Variants in PEX6 observed in about 807,000 individuals in gnomAD.
The protein encoded by PEX6 is peroxisomal biogenesis factor 6, also known as peroxisome biogenesis factor 6.
In PEX6, 55 loss-of-function variants were observed where a neutral mutation model predicts 85.6. The ratio of observed to expected loss-of-function variants is 0.64; its 90% CI spans 0.52 to 0.80. The LOEUF is 0.80. PEX6 is among the 30% of genes least tolerant of loss of function. The probability of loss-of-function intolerance (pLI) is 0.00; values close to 1 mark genes in which losing one functional copy is unlikely to be tolerated. For missense variants in PEX6, 1,099 were observed against 1,260.3 expected, an observed-to-expected ratio of 0.87 and a Z score of 1.94; for synonymous variants, 519 against 549.1, an observed-to-expected ratio of 0.95 and a Z score of 0.77.
intron 3 of PEX6, among the ~76,000 whole-genome samples, chr6:42,970,330 T>TC (rs1458513189): frequency 6.6e-6 from 1 of 152,100 alleles, no homozygotes; most frequent in Non-Finnish European, 1.5e-5. Flanking sequence ...GGCTTCGGTC[T>TC]CCCCCTCAAA....
chr6:42,971,578 C>T lies in PEX6; in HGVS notation c.1131-1591G>A, dbSNP rs1454406591. ...CCAGGGACAGGATGAAGAGGCTACA[C>T]CAACAGTGGAATTCCTTTCCAGGGC... On this transcript the variant is annotated intron_variant, in intron 3 of 16. Coordinates refer to ENST00000304611, the MANE Select transcript of PEX6 (RefSeq NM_000287.4). The surrounding 1 kb of genome is among the most constrained non-coding windows in gnomAD (Gnocchi z 4.4). Among the ~76,000 whole-genome samples the T allele has an allele frequency of 6.6e-6, 1 of 152,226 alleles. No individual in the cohort carries two copies. The highest frequency in any genetic ancestry group is 1.5e-5 in the Non-Finnish European group (1 of 68,038).
rs72500588 is a variant in PEX6 at position 42,968,076 on chromosome 6, A to G, written c.1688+214T>C. On this transcript the variant is annotated intron_variant, in intron 7 of 16. Coordinates refer to ENST00000304611, the MANE Select transcript of PEX6 (RefSeq NM_000287.4). ...ATTCTCCTGCCTCAGCCTCCCAAGT[A>G]GCCTGGATTACAGGCACCCGCCACC... Among the ~76,000 whole-genome samples, 41 of 151,672 alleles carry G rather than the reference A, an allele frequency of 2.7e-4. No individual in the cohort carries two copies. In the East Asian group the frequency reaches 7.2e-3, roughly 27 times the overall value.
At chr6:42,977,648 C>T (rs112244711) in intron 1 of PEX6, among the ~76,000 whole-genome samples, 3,591 of 149,926 alleles carry the variant, frequency 0.024, 122 homozygotes, top group African/African-American at 0.083. Flanking sequence ...GGCGTCGTGG[C>T]GCGAGCCAGT....
In PEX6 at chr6:42,970,035, C is replaced by T. The variant is rs377259696; in HGVS notation, c.1131-48G>A. ...ACCCCAGATCCAGAGTCCAAAAACC[C>T]CCCTCCTCAAGGACAAGGTTTCTCA... On this transcript the variant is annotated intron_variant, in intron 3 of 16. Transcript: ENST00000304611. 3.3e-4 allele frequency: 479 copies of T among 1,462,898 alleles called. 1 individual carries two copies. The highest frequency in any genetic ancestry group is 3.0e-3 in the African/African-American group (219 of 72,018). 90.6% of individuals were successfully genotyped at this position (1,462,898 alleles called of 1,614,324 possible).
At chr6:42,968,247 G>A (rs758380782) in intron 7 of PEX6, 43 bp downstream of exon 7, 11 of 1,564,858 alleles carry the variant, frequency 7.0e-6, no homozygotes, top group Non-Finnish European at 8.8e-6. Flanking sequence ...ACCGCGCCCA[G>A]CCGGCCCCCC....
chr6:42,972,129 A>C (rs777836570), intron 3 of PEX6, among the ~76,000 whole-genome samples: 18 of 152,136 alleles, frequency 1.2e-4, no homozygotes, highest in Non-Finnish European at 2.2e-4. Context: ...CCAAACAAGG[A>C]CTGTCTCTCC....
rs886061410 is a variant in PEX6 at position 42,964,167 on chromosome 6, G to A, written c.*168C>T. 2.9e-6 allele frequency: 2 copies of A among 689,888 alleles called. No individual in the cohort carries two copies. The highest frequency in any genetic ancestry group is 5.0e-6 in the Non-Finnish European group (2 of 400,502). 42.7% of individuals were successfully genotyped at this position (689,888 alleles called of 1,614,324 possible). On this transcript the variant is annotated 3_prime_UTR_variant, in exon 17 of 17. Transcript: ENST00000304611. This position sits in a 1 kb window ranked among gnomAD's most constrained non-coding sequence, Gnocchi z 4.6. The stretch of plus-strand genomic sequence containing the variant: ...GTAGGCAGGAGATATCTCTTGAGCT[G>A]TTGCTGCTGTCTCAATGCCACTTTG...
intron 2 of PEX6, 130 bp downstream of exon 2, chr6:42,974,745 G>A (rs1226232755): frequency 1.2e-6 from 1 of 851,966 alleles, no homozygotes; most frequent in Non-Finnish European, 2.0e-6. Flanking sequence ...ACAGACGTGA[G>A]CCACAGCACC....
chr6:42,968,179 A>G (rs1298191245), intron 7 of PEX6, 111 bp downstream of exon 7: 19 of 873,750 alleles, frequency 2.2e-5, no homozygotes, highest in Admixed American at 5.4e-5. Context: ...ACTCCTGATC[A>G]AGGCAGGTGA....
chr6:42,967,720 C>A (rs1417171874), intron 7 of PEX6, among the ~76,000 whole-genome samples, 157 bp from the exon 8 acceptor site: 1 of 152,096 alleles, frequency 6.6e-6, no homozygotes, highest in East Asian at 1.9e-4. Context: ...GATGGGGGAA[C>A]TGTGTTTCCC....
chr6:42,968,559 T>C, intron 6 of PEX6, 61 bp from the exon 7 acceptor site: 2 of 1,418,064 alleles, frequency 1.4e-6, no homozygotes, highest in Non-Finnish European at 1.9e-6. Context: ...GGCAGGAGAA[T>C]CAGGGGAGGA....
At position 42,965,494 on chromosome 6, in the gene PEX6, AC is replaced by A; in HGVS notation, c.2472-127del. 1.1e-6 allele frequency: 1 copy of A among 911,458 alleles called. No homozygotes were observed. The highest frequency in any genetic ancestry group is 1.8e-6 in the Non-Finnish European group (1 of 544,678). 56.5% of individuals were successfully genotyped at this position (911,458 alleles called of 1,614,324 possible). Reference sequence around the variant, plus strand: ...CACTCAGCTGTGCCCAATGTGCCCCACCAGGTAGGCCCCCATTCTCCTCAGT... The same window carrying A: ...CACTCAGCTGTGCCCAATGTGCCCCACAGGTAGGCCCCCATTCTCCTCAGT... On this transcript the variant is annotated intron_variant, in intron 13 of 16. Transcript: ENST00000304611. The surrounding 1 kb of genome is among the most constrained non-coding windows in gnomAD (Gnocchi z 5.0).
Position 42,964,486 on chromosome 6 carries a change from G to T in PEX6, c.2807-15C>A. 2 of 1,612,850 alleles carry T rather than the reference G, an allele frequency of 1.2e-6. No homozygotes were observed. The highest frequency in any genetic ancestry group is 1.7e-6 in the Non-Finnish European group (2 of 1,179,946). On this transcript the variant is annotated splice_polypyrimidine_tract_variant and intron_variant, in intron 16 of 16. Transcript: ENST00000304611. This position sits in a 1 kb window ranked among gnomAD's most constrained non-coding sequence, Gnocchi z 4.6. ...TGGCTCCAGCCCTGGAGATGACAAG[G>T]TGGGGAGGCTGTGGTCTATGCCCAG...
At chr6:42,967,308 T>C in intron 8 of PEX6, 60 bp downstream of exon 8, 1 of 1,508,276 alleles carries the variant, frequency 6.6e-7, no homozygotes, top group Non-Finnish European at 9.1e-7. Flanking sequence ...CAGGACTGAG[T>C]TCTTGTAACA....
At chr6:42,975,164 G>A (rs1306594534) in intron 1 of PEX6, 126 bp from the exon 2 acceptor site, 7 of 835,838 alleles carry the variant, frequency 8.4e-6, no homozygotes, top group East Asian at 2.5e-5. Context: ...TGTGGAAGGT[G>A]GGGCCTGAGG....
At chr6:42,976,094 G>T (rs542322537) in intron 1 of PEX6, among the ~76,000 whole-genome samples, 1 of 150,726 alleles carries the variant, frequency 6.6e-6, no homozygotes, top group African/African-American at 2.5e-5. Context: ...GGGTTTCACC[G>T]TGTTAGCCAG....
chr6:42,978,987 G>A lies in PEX6; in HGVS notation c.164C>T (p.Ala55Val). The A allele has an allele frequency of 6.6e-7, 1 of 1,511,098 alleles. No homozygotes were observed. 93.6% of individuals were successfully genotyped at this position (1,511,098 alleles called of 1,614,324 possible). A position where few individuals can be genotyped will look rare whatever the true frequency, so the allele number is the denominator to read the frequency against. ...ESPAGPALLV[A>V]ALEGPDAGTE... ...GCCCGCGTCCGGCCCCTCCAGGGCT[G>A]CCACCAGCAGCGCCGGCCCTGCCGG... Residue 55 changes from alanine to valine, a missense_variant, in exon 1 of 17, where the codon GCA becomes GTA. Ala to Val is a moderately conservative substitution (Grantham distance 64). This residue lies in a region of PEX6 where 579 missense variants were observed against 611.6 expected (regional missense o/e 0.95). Transcript: ENST00000304611.
Position 42,966,518 on chromosome 6 carries a change from T to A in PEX6, c.2094+7A>T. 2 of 1,614,060 alleles carry A rather than the reference T, an allele frequency of 1.2e-6. No individual in the cohort carries two copies. The highest frequency in any genetic ancestry group is 1.7e-6 in the Non-Finnish European group (2 of 1,179,998). ...TCCTGTCCCACCTCCAAGGACTTGG[T>A]CTCCACCTTGGGGGCTCCAACGGCC... On this transcript the variant is annotated splice_region_variant and intron_variant, in intron 10 of 16. Transcript: ENST00000304611.
At chr6:42,978,243 C>G in intron 1 of PEX6, 26 bp downstream of exon 1, 1 of 1,613,504 alleles carries the variant, frequency 6.2e-7, no homozygotes, top group African/African-American at 1.3e-5. Flanking sequence ...AGAGGAAGCA[C>G]TCCTGACCCC....
Sources: gnomAD v4.1 joint callset for allele counts (sites outside exome capture counted in the v4.1 genomes callset) on GRCh38, gnomAD v4.1.1 for gene constraint, gnomAD v4.1.1 regional missense constraint, Gnocchi (gnomAD v3.1) non-coding constraint, MANE v1.5 for transcripts, NCBI Gene and HGNC (gene_info 2026-07-23, HGNC 2026-07-21) for gene names.